The following SRD5A2 variants were observed in gnomAD, a reference collection of about 807,000 sequenced individuals.
The protein encoded by SRD5A2 is steroid 5 alpha-reductase 2, also known as 3-oxo-5-alpha-steroid 4-dehydrogenase 2.
A neutral mutation model predicts 27.4 loss-of-function variants in SRD5A2; 30 were observed. The observed-to-expected ratio is 1.10, with a 90% CI of 0.82 to 1.49. SRD5A2 has a LOEUF of 1.49. Ranked by LOEUF, SRD5A2 falls within the 40% of genes most tolerant of loss-of-function variation. The pLI is 0.00. For synonymous variants in SRD5A2, 141 were observed against 133.6 expected (o/e 1.06, Z -0.38); for missense variants, 348 against 323.4 (o/e 1.08, Z -0.58).
Position 31,549,645 on chromosome 2 carries a change from G to A in SRD5A2, c.282-15879C>T, listed in dbSNP as rs138259403. On this transcript the variant is annotated intron_variant, in intron 1 of 4. Transcript: ENST00000622030. ...CAAACAAAATTACCAGAATTAGAGA[G>A]GGACATTATATAATGATAAAATGGT... 1.7e-4 allele frequency among the ~76,000 whole-genome samples: 26 copies of A among 152,234 alleles called. No homozygotes were observed. The East Asian group carries it at 4.6e-3, about 27-fold the overall frequency.
chr2:31,540,990 C>G (rs951096457), intron 1 of SRD5A2, among the ~76,000 whole-genome samples: 2 of 152,188 alleles, frequency 1.3e-5, no homozygotes, highest in African/African-American at 4.8e-5. Context: ...CCCCATCCAG[C>G]TGAAATGACT....
chr2:31,632,050 T>C, the SRD5A2 span, among the ~76,000 whole-genome samples: 5 of 152,142 alleles, frequency 3.3e-5, no homozygotes, highest in Admixed American at 3.3e-4. Flanking sequence ...CTCACCTGAC[T>C]CTATTGAAGG....
At chr2:31,607,902 C>A in the SRD5A2 span, among the ~76,000 whole-genome samples, 15 of 152,002 alleles carry the variant, frequency 9.9e-5, no homozygotes, top group African/African-American at 3.1e-4. Flanking sequence ...GTGGAGCCCT[C>A]ATGAATAGCA....
At chr2:31,612,311 A>G in the SRD5A2 span, among the ~76,000 whole-genome samples, 1 of 151,922 alleles carries the variant, frequency 6.6e-6, no homozygotes, top group African/African-American at 2.4e-5. Flanking sequence ...GAGAGAAAGA[A>G]AAAAGAATAA....
the SRD5A2 span, among the ~76,000 whole-genome samples, chr2:31,638,741 CTCTTT>C: frequency 1.3e-5 from 2 of 151,132 alleles, no homozygotes. Flanking sequence ...GCTATTTCTT[CTCTTT>C]TTTTTTCAAG....
chr2:31,598,857 C>T, the SRD5A2 span, among the ~76,000 whole-genome samples: 4 of 151,844 alleles, frequency 2.6e-5, no homozygotes, highest in Non-Finnish European at 5.9e-5. Context: ...GTAAATTCTG[C>T]AATCAAAAGA....
chr2:31,617,312 G>T, the SRD5A2 span, among the ~76,000 whole-genome samples: 16,783 of 152,062 alleles, frequency 0.11, 974 homozygotes, highest in Middle Eastern at 0.18. Flanking sequence ...ATCAGGTCCT[G>T]ATGCAGCACA....
chr2:31,625,806 C>G, the SRD5A2 span, among the ~76,000 whole-genome samples: 20 of 152,240 alleles, frequency 1.3e-4, no homozygotes, highest in African/African-American at 4.8e-4. Flanking sequence ...ATGCCTCCAG[C>G]TTTGTTATTT....
upstream of SRD5A2, among the ~76,000 whole-genome samples, chr2:31,581,567 C>A (rs571509908): frequency 6.6e-6 from 1 of 152,222 alleles, no homozygotes; most frequent in Non-Finnish European, 1.5e-5. Context: ...GCCCTAATTC[C>A]TCAGCGGTTT....
the SRD5A2 span, among the ~76,000 whole-genome samples, chr2:31,607,137 A>G: frequency 6.6e-6 from 1 of 152,072 alleles, no homozygotes; most frequent in Non-Finnish European, 1.5e-5. Context: ...GGAAAAAAAC[A>G]TAGCATCAGT....
In SRD5A2 at chr2:31,569,059, T is replaced by C. The variant is rs567045028; in HGVS notation, c.281+11561A>G. Among the ~76,000 whole-genome samples the C allele has an allele frequency of 8.5e-5, 13 of 152,288 alleles. No individual in the cohort carries two copies. The East Asian group carries it at 2.1e-3, about 25-fold the overall frequency. On this transcript the variant is annotated intron_variant, in intron 1 of 4. Transcript: ENST00000622030. Reference sequence around the variant, plus strand: ...ACAGGGAAGCCCGGGTCCAGAGCCATGGCTGGGTGGCTGCAGCTGCGCCAA... The same window carrying C: ...ACAGGGAAGCCCGGGTCCAGAGCCACGGCTGGGTGGCTGCAGCTGCGCCAA...
chr2:31,634,412 A>C, the SRD5A2 span, among the ~76,000 whole-genome samples: 1 of 152,138 alleles, frequency 6.6e-6, no homozygotes, highest in African/African-American at 2.4e-5. Flanking sequence ...GGAATCCTAG[A>C]GAGGGAAAAC....
rs778525326 is a variant in SRD5A2 at position 31,529,417 on chromosome 2, AC to A, written c.587del (p.Gly196ValfsTer83). On this transcript the variant is annotated frameshift_variant, in exon 4 of 5. Coordinates refer to ENST00000622030, the MANE Select transcript of SRD5A2 (RefSeq NM_000348.4). LOFTEE classifies it high-confidence loss of function. ...CATAGCCGATCCATTCAATGATCTC[AC>A]CGAGGAAATTGGCTCCAGAAACATA... ...FTYVSGANFL[G>X]EIIEWIGYAL... 6.2e-7 allele frequency: 1 copy of A among 1,613,868 alleles called. No individual in the cohort carries two copies.
At chr2:31,583,901 T>C (rs676033), upstream of SRD5A2, among the ~76,000 whole-genome samples, 103,967 of 151,688 alleles carry the variant, frequency 0.69, 35,813 homozygotes, top group Middle Eastern at 0.71. Context: ...AGGAGGCAGC[T>C]GGAGTGAGGG....
the SRD5A2 span, among the ~76,000 whole-genome samples, chr2:31,598,614 T>C: frequency 6.6e-6 from 1 of 151,978 alleles, no homozygotes; most frequent in East Asian, 1.9e-4. Flanking sequence ...TATAATGGGT[T>C]ATCTGGTAGT....
chr2:31,648,717 A>C, the SRD5A2 span, among the ~76,000 whole-genome samples: 2 of 152,224 alleles, frequency 1.3e-5, no homozygotes, highest in Non-Finnish European at 2.9e-5. Context: ...CTCCAGTTTG[A>C]GCATCTATGA....
chr2:31,583,332 T>A (rs1409484259), upstream of SRD5A2, among the ~76,000 whole-genome samples: 2 of 152,210 alleles, frequency 1.3e-5, no homozygotes, highest in African/African-American at 4.8e-5. Flanking sequence ...TCCTATTTAT[T>A]GTATTGGCCA....
chr2:31,614,580 C>A, the SRD5A2 span, among the ~76,000 whole-genome samples: 1 of 152,198 alleles, frequency 6.6e-6, no homozygotes, highest in Non-Finnish European at 1.5e-5. Context: ...TCTCACAGCT[C>A]CACTAGGCAG....
At chr2:31,527,830 T>C (rs774534563) in intron 4 of SRD5A2, 7 of 152,196 alleles carry the variant, frequency 4.6e-5, no homozygotes, top group Admixed American at 1.3e-4. Flanking sequence ...CCTCGAACAA[T>C]TCTAATCAGA....
Sources: allele counts gnomAD v4.1 joint callset (sites outside exome capture counted in the v4.1 genomes callset), GRCh38; gene constraint gnomAD v4.1.1; transcripts MANE v1.5; gene names NCBI Gene and HGNC (gene_info 2026-07-23, HGNC 2026-07-21).